The following BLTP1 variants were observed in gnomAD, a reference collection of about 807,000 sequenced individuals.
The protein encoded by BLTP1 is fragile site-associated protein.
At chr4:122,276,985 T>C in the BLTP1 span, 1 of 976,146 alleles carries the variant, frequency 1.0e-6, no homozygotes, top group Non-Finnish European at 1.2e-6. Flanking sequence ...AGAGATTATG[T>C]AAACTGGCCT....
At chr4:122,360,946 G>A in the BLTP1 span, among the ~76,000 whole-genome samples, 7 of 152,244 alleles carry the variant, frequency 4.6e-5, no homozygotes, top group Admixed American at 2.6e-4. Context: ...GGTAGAGAGC[G>A]TGGTTTAAGA....
chr4:122,350,192 TA>T, the BLTP1 span: 5 of 1,444,730 alleles, frequency 3.5e-6, no homozygotes, highest in Admixed American at 1.4e-4. Context: ...ACAGGCTCTT[TA>T]TCTCACTCAG....
At chr4:122,290,035 T>C in the BLTP1 span, 1 of 152,522 alleles carries the variant, frequency 6.6e-6, no homozygotes, top group Non-Finnish European at 1.5e-5. Flanking sequence ...ACAGAGCATA[T>C]GTACCAGTAT....
At chr4:122,340,909 C>T in the BLTP1 span, 1,193 of 830,584 alleles carry the variant, frequency 1.4e-3, 8 homozygotes, top group African/African-American at 0.021. Context: ...AGCGATAACA[C>T]TACAACATTT....
the BLTP1 span, chr4:122,250,329 A>G: frequency 2.0e-5 from 31 of 1,559,342 alleles, no homozygotes; most frequent in East Asian, 5.7e-4. Context: ...CTTATTCACC[A>G]TTTATAATAA....
At chr4:122,343,709 T>A in the BLTP1 span, 1 of 1,309,926 alleles carries the variant, frequency 7.6e-7, no homozygotes, top group Non-Finnish European at 1.0e-6. Context: ...CAAGATCAGA[T>A]GCTTTTTGTA....
chr4:122,230,115 G>A, the BLTP1 span: 2 of 1,613,952 alleles, frequency 1.2e-6, no homozygotes, highest in African/African-American at 1.3e-5. Flanking sequence ...GCCAATTTAG[G>A]ACTTATTACT....
chr4:122,154,021 T>G, the BLTP1 span: 4 of 985,192 alleles, frequency 4.1e-6, no homozygotes, highest in African/African-American at 5.2e-5. Context: ...GCCATACTTT[T>G]CAGGTTTGTT....
chr4:122,313,604 A>G, the BLTP1 span: 6 of 1,562,694 alleles, frequency 3.8e-6, no homozygotes, highest in East Asian at 2.4e-5. Flanking sequence ...ATTGAAAACT[A>G]TTTTTGGGGT....
the BLTP1 span, among the ~76,000 whole-genome samples, chr4:122,198,793 A>T: frequency 6.6e-6 from 1 of 152,202 alleles, no homozygotes; most frequent in Non-Finnish European, 1.5e-5. Flanking sequence ...GGTATTTAAA[A>T]AAAGAAAAAA....
the BLTP1 span, chr4:122,173,223 G>T: frequency 1.3e-6 from 2 of 1,502,066 alleles, no homozygotes; most frequent in Non-Finnish European, 1.8e-6. Flanking sequence ...ATTTTTTGTT[G>T]CTATAACTGA....
chr4:122,230,081 G>T, the BLTP1 span: 3 of 1,614,162 alleles, frequency 1.9e-6, no homozygotes, highest in Non-Finnish European at 2.5e-6. Flanking sequence ...GCTACGGAGG[G>T]CCTATTGGCT....
chr4:122,221,319 T>C, the BLTP1 span, among the ~76,000 whole-genome samples: 4 of 152,026 alleles, frequency 2.6e-5, no homozygotes, highest in Non-Finnish European at 2.9e-5. Context: ...ATTTGACATA[T>C]ATGAGATCAT....
the BLTP1 span, among the ~76,000 whole-genome samples, chr4:122,217,383 G>A: frequency 6.6e-6 from 1 of 150,646 alleles, no homozygotes; most frequent in Non-Finnish European, 1.5e-5. Context: ...TTTTTTTCTA[G>A]TTGAGTGAAG....
the BLTP1 span, chr4:122,328,043 T>G: frequency 8.1e-7 from 1 of 1,239,686 alleles, no homozygotes; most frequent in Non-Finnish European, 1.1e-6. Context: ...TAAATTTATA[T>G]ATTTTTTCTT....
chr4:122,284,772 CTTG>C, the BLTP1 span, among the ~76,000 whole-genome samples: 5 of 152,134 alleles, frequency 3.3e-5, no homozygotes, highest in South Asian at 2.1e-4. Flanking sequence ...TTATTAATCT[CTTG>C]TTGTGCCTGA....
At chr4:122,291,966 GTTTTTTTTTT>G in the BLTP1 span, 4 of 118,846 alleles carry the variant, frequency 3.4e-5, no homozygotes, top group African/African-American at 3.6e-5. Context: ...GCATCAAACA[GTTTTTTTTTT>G]TTTTTTTTTT....
the BLTP1 span, among the ~76,000 whole-genome samples, chr4:122,168,412 G>A: frequency 3.9e-5 from 6 of 152,156 alleles, no homozygotes; most frequent in Non-Finnish European, 8.8e-5. Context: ...AACTTCCAGA[G>A]TCTTTTCCTC....
At chr4:122,178,503 C>G in the BLTP1 span, among the ~76,000 whole-genome samples, 1 of 152,226 alleles carries the variant, frequency 6.6e-6, no homozygotes, top group African/African-American at 2.4e-5. Flanking sequence ...TGGGCATGTA[C>G]GACAGATTCT....
Sources: gnomAD v4.1 joint callset for allele counts (sites outside exome capture counted in the v4.1 genomes callset) on GRCh38, gnomAD v4.1.1 for gene constraint, MANE v1.5 for transcripts, NCBI Gene and HGNC (gene_info 2026-07-23, HGNC 2026-07-21) for gene names.